TNRC6B: variants seen among roughly 807,000 people sequenced by gnomAD.
TNRC6B encodes trinucleotide repeat-containing gene 6B protein.
Under a neutral mutation model 203.6 loss-of-function variants are expected in TNRC6B, and 52 were observed. The ratio of observed to expected loss-of-function variants is 0.26; its 90% CI spans 0.20 to 0.32. The LOEUF is 0.32. Among genes scored for constraint, TNRC6B ranks in the 10% least tolerant of loss-of-function variants. The probability of loss-of-function intolerance (pLI) is 1.00; values close to 1 mark genes in which losing one functional copy is unlikely to be tolerated. For missense variants in TNRC6B, 1,923 were observed against 2,286.2 expected (o/e 0.84, Z 3.24); for synonymous variants, 838 against 845.7 (o/e 0.99, Z 0.16).
intron 3 of TNRC6B, among the ~76,000 whole-genome samples, chr22:40,150,415 C>T (rs1279009925): frequency 6.6e-6 from 1 of 152,030 alleles, no homozygotes; most frequent in Non-Finnish European, 1.5e-5. Context: ...TTTCAGCAAG[C>T]ATAAATCCAC....
intron 1 of TNRC6B, among the ~76,000 whole-genome samples, chr22:40,238,365 AT>A: frequency 6.6e-6 from 1 of 152,230 alleles, no homozygotes; most frequent in South Asian, 2.1e-4. Context: ...GAAGTTTTGC[AT>A]TTAGGTGCTT....
intron 1 of TNRC6B, among the ~76,000 whole-genome samples, chr22:40,208,110 T>A (rs144735789): frequency 0.018 from 1,720 of 95,646 alleles, 29 homozygotes; most frequent in African/African-American, 0.046. Flanking sequence ...GGACTCCATC[T>A]CAAAAAAAAA....
At chr22:40,106,971 G>A (rs896079514) in intron 1 of TNRC6B, 9 of 1,180,226 alleles carry the variant, frequency 7.6e-6, no homozygotes, top group South Asian at 1.2e-5. Flanking sequence ...TTTCTCAGGC[G>A]CTTGATCTTC....
At chr22:40,172,471 C>T (rs1267877351) in intron 4 of TNRC6B, among the ~76,000 whole-genome samples, 1 of 152,180 alleles carries the variant, frequency 6.6e-6, no homozygotes, top group African/African-American at 2.4e-5. Context: ...GTCCCTGTAT[C>T]GTTGTAATTT....
intron 1 of TNRC6B, among the ~76,000 whole-genome samples, chr22:40,064,360 T>G (rs1194807435): frequency 1.3e-5 from 2 of 152,080 alleles, no homozygotes; most frequent in Admixed American, 1.3e-4. Flanking sequence ...CCACTAAGTA[T>G]GATGTTAGCT....
intron 1 of TNRC6B, among the ~76,000 whole-genome samples, chr22:40,078,646 A>C (rs192393870): frequency 6.6e-6 from 1 of 151,866 alleles, no homozygotes; most frequent in Non-Finnish European, 1.5e-5. Flanking sequence ...AGGCTGAAAT[A>C]AGGTGGCACG....
chr22:40,182,836 G>C (rs925411526), intron 1 of TNRC6B, among the ~76,000 whole-genome samples: 8 of 152,156 alleles, frequency 5.3e-5, no homozygotes, highest in African/African-American at 1.9e-4. Context: ...ATTGTCTTTA[G>C]CTCTGTGCAC....
chr22:40,145,786 G>A (rs1196613038), intron 3 of TNRC6B, among the ~76,000 whole-genome samples: 2 of 152,052 alleles, frequency 1.3e-5, no homozygotes, highest in African/African-American at 2.4e-5. Flanking sequence ...AGGTTGCAGT[G>A]AGCCAAGATC....
intron 21 of TNRC6B, among the ~76,000 whole-genome samples, chr22:40,318,979 G>A (rs539989004): frequency 2.9e-4 from 44 of 152,152 alleles, no homozygotes; most frequent in Non-Finnish European, 5.6e-4. Flanking sequence ...AGCTGAGGCA[G>A]GAGAATCGCT....
Position 40,312,637 on chromosome 22 carries a change from G to A in TNRC6B, c.4568G>A (p.Arg1523Gln), listed in dbSNP as rs1293802951. The A allele has an allele frequency of 7.4e-6, 12 of 1,611,526 alleles. No individual in the cohort carries two copies. Among genetic ancestry groups the A allele is most frequent in the South Asian group, 3.3e-5 (3 of 90,320 alleles). ...PIVDTDHQLLRDNTTGSNSSL... is the reference protein window; with the variant it reads ...PIVDTDHQLLQDNTTGSNSSL... ...GTAGATACTGACCACCAACTGCTGC[G>A]GGATAACACCACAGGTACTTGAGCA... Residue 1523 changes from arginine (R) to glutamine (Q), a missense_variant, in exon 18 of 23, where the codon CGG becomes CAG. Transcript: ENST00000454349.
intron 3 of TNRC6B, among the ~76,000 whole-genome samples, chr22:40,149,563 A>G (rs890330962): frequency 6.6e-6 from 1 of 151,728 alleles, no homozygotes; most frequent in Non-Finnish European, 1.5e-5. Context: ...CCAGCTACTC[A>G]GGAGGCGGAG....
In TNRC6B at chr22:40,126,325, G is replaced by C. The variant is rs377075677; in HGVS notation, c.45+463G>C. ...TATGTTGTGTGATGCTGAGGCTTGG[G>C]GTACAAGTGATTCCATCACTCAGGT... On this transcript the variant is annotated intron_variant, in intron 3 of 23. Transcript: ENST00000301923. Among the ~76,000 whole-genome samples the C allele has an allele frequency of 1.2e-4, 19 of 152,082 alleles. 2 individuals carry two copies. Among genetic ancestry groups the C allele is most frequent in the Admixed American group, 9.8e-4 (15 of 15,266 alleles).
chr22:40,102,395 A>G (rs937255192), intron 1 of TNRC6B, among the ~76,000 whole-genome samples: 1 of 152,162 alleles, frequency 6.6e-6, no homozygotes, highest in African/African-American at 2.4e-5. Context: ...AAGTATAGAG[A>G]GGACAGTTTG....
intron 1 of TNRC6B, among the ~76,000 whole-genome samples, chr22:40,179,365 C>A (rs914710341): frequency 1.3e-5 from 2 of 152,200 alleles, no homozygotes; most frequent in African/African-American, 4.8e-5. Context: ...CTCCACCCCC[C>A]TGAGCACATC....
intron 3 of TNRC6B, among the ~76,000 whole-genome samples, chr22:40,256,554 A>T (rs979704828): frequency 6.6e-6 from 1 of 152,206 alleles, no homozygotes; most frequent in Non-Finnish European, 1.5e-5. Context: ...TGAAAATGAC[A>T]GGAAATTCAT....
chr22:40,317,306 G>C (rs192854359), intron 21 of TNRC6B, among the ~76,000 whole-genome samples: 3 of 152,134 alleles, frequency 2.0e-5, no homozygotes, highest in African/African-American at 4.8e-5. Context: ...GGGGCCAGTC[G>C]CAGTGGCTCA....
chr22:40,243,025 C>T (rs566179123), intron 1 of TNRC6B, among the ~76,000 whole-genome samples: 5 of 152,082 alleles, frequency 3.3e-5, no homozygotes, highest in South Asian at 4.1e-4. Flanking sequence ...TGTGCCACCA[C>T]GCCCAGCTAA....
intron 4 of TNRC6B, among the ~76,000 whole-genome samples, chr22:40,171,851 A>G (rs922753103): frequency 7.9e-5 from 12 of 151,612 alleles, no homozygotes; most frequent in Non-Finnish European, 1.2e-4. Context: ...CCACTCAAAC[A>G]TTTGCTTTTC....
chr22:40,181,931 T>C (rs1442927121), intron 1 of TNRC6B, among the ~76,000 whole-genome samples: 1 of 133,626 alleles, frequency 7.5e-6, no homozygotes, highest in Non-Finnish European at 1.5e-5. Context: ...AGGAAACAGC[T>C]AGACCCTGTC....
Sources: allele counts gnomAD v4.1 joint callset (sites outside exome capture counted in the v4.1 genomes callset), GRCh38; gene constraint gnomAD v4.1.1; transcripts MANE v1.5; gene names NCBI Gene and HGNC (gene_info 2026-07-23, HGNC 2026-07-21).